Variants in ITPR2 observed in about 807,000 individuals in gnomAD.
ITPR2 encodes inositol 1,4,5-trisphosphate receptor type 2, also known as inositol 1,4,5-trisphosphate-gated calcium channel ITPR2.
ITPR2 carries 207 observed loss-of-function variants against 317.1 expected under a neutral mutation model. The ratio of observed to expected loss-of-function variants is 0.65; its 90% CI spans 0.58 to 0.73. The LOEUF is 0.73. ITPR2 is among the 30% of genes least tolerant of loss of function. The probability of loss-of-function intolerance (pLI) is 0.00; values close to 1 mark genes in which losing one functional copy is unlikely to be tolerated. For synonymous variants in ITPR2, 1,156 were observed against 1,149.1 expected (o/e 1.01, Z -0.12); for missense variants, 2,613 against 3,284.0 (o/e 0.80, Z 4.99).
intron 55 of ITPR2, among the ~76,000 whole-genome samples, chr12:26,356,428 C>G (rs771544007): frequency 2.0e-5 from 3 of 152,108 alleles, no homozygotes; most frequent in Non-Finnish European, 2.9e-5. Flanking sequence ...CAAGTGAGAC[C>G]GAAAGAATAC....
At chr12:26,361,834 T>C (rs190843053) in intron 55 of ITPR2, among the ~76,000 whole-genome samples, 133 of 152,320 alleles carry the variant, frequency 8.7e-4, no homozygotes, top group African/African-American at 3.1e-3. Context: ...CCATGTGCAC[T>C]ATCAGTTTAG....
At chr12:26,460,130 T>C (rs936296635) in intron 45 of ITPR2, among the ~76,000 whole-genome samples, 3 of 152,202 alleles carry the variant, frequency 2.0e-5, no homozygotes, top group African/African-American at 7.2e-5. Flanking sequence ...TCCCTGCCCC[T>C]GGGATACAGG....
At chr12:26,537,349 T>C (rs535152274) in intron 37 of ITPR2, among the ~76,000 whole-genome samples, 83 of 152,304 alleles carry the variant, frequency 5.4e-4, no homozygotes, top group Middle Eastern at 6.8e-3. Flanking sequence ...AGTCTATTTG[T>C]TGAATGAATA....
chr12:26,503,186 C>T (rs1330860557), intron 37 of ITPR2, among the ~76,000 whole-genome samples: 1 of 130,640 alleles, frequency 7.7e-6, no homozygotes, highest in Non-Finnish European at 1.6e-5. Context: ...CACTGCCCCC[C>T]ACCAACACAC....
chr12:26,379,323 T>C (rs1158512464), intron 55 of ITPR2, among the ~76,000 whole-genome samples: 3 of 152,214 alleles, frequency 2.0e-5, no homozygotes, highest in African/African-American at 7.2e-5. Flanking sequence ...GCTGGATAAG[T>C]AGTCAACACT....
chr12:26,567,250 C>T (rs770925805), intron 34 of ITPR2, among the ~76,000 whole-genome samples: 12 of 152,256 alleles, frequency 7.9e-5, no homozygotes, highest in Non-Finnish European at 1.6e-4. Context: ...ATGGCAGCAC[C>T]TCTGTTATTA....
intron 36 of ITPR2, among the ~76,000 whole-genome samples, chr12:26,551,361 A>G (rs1944521815): frequency 6.6e-6 from 1 of 152,234 alleles, no homozygotes; most frequent in South Asian, 2.1e-4. Context: ...ATGACAGAAC[A>G]GAGGCCCAGG....
chr12:26,796,437 G>A (rs989526729), intron 1 of ITPR2, among the ~76,000 whole-genome samples: 61 of 152,190 alleles, frequency 4.0e-4, no homozygotes, highest in African/African-American at 1.2e-3. Context: ...TTGGTAAAAA[G>A]TAAGGTAAGA....
chr12:26,694,439 T>G (rs572432113), intron 10 of ITPR2, among the ~76,000 whole-genome samples: 21 of 152,266 alleles, frequency 1.4e-4, no homozygotes, highest in Non-Finnish European at 2.6e-4. Context: ...CCTTAAATCC[T>G]CCCCAAATCA....
intron 1 of ITPR2, among the ~76,000 whole-genome samples, chr12:26,795,704 C>T (rs1950423907): frequency 1.3e-5 from 2 of 152,198 alleles, no homozygotes; most frequent in South Asian, 4.1e-4. Flanking sequence ...GTGGTAGCAT[C>T]CAGGCATGGT....
intron 45 of ITPR2, among the ~76,000 whole-genome samples, chr12:26,466,004 G>C (rs77010634): frequency 0.039 from 5,926 of 152,200 alleles, 131 homozygotes; most frequent in Middle Eastern, 0.11. Context: ...TCTATTTTCT[G>C]TGATTTAATA....
rs1950817882 is a variant in ITPR2, at chr12:26,814,638, G to GT, written c.92+18051dup. Among the ~76,000 whole-genome samples, 3 of 152,150 alleles carry GT rather than the reference G, an allele frequency of 2.0e-5. No homozygotes were observed. In the South Asian group the frequency reaches 6.2e-4, roughly 32 times the overall value. On this transcript the variant is annotated intron_variant, in intron 1 of 56. Coordinates refer to ENST00000381340, the MANE Select transcript of ITPR2 (RefSeq NM_002223.4). ...CTCACAGAGAAATTTTCAAATAAGAGTTTATAAAGTGGTTTATTCTTCAAA... is the reference window on the plus strand; with the variant it reads ...CTCACAGAGAAATTTTCAAATAAGAGTTTTATAAAGTGGTTTATTCTTCAAA...
intron 21 of ITPR2, among the ~76,000 whole-genome samples, chr12:26,650,852 C>T (rs993564044): frequency 6.6e-6 from 1 of 152,140 alleles, no homozygotes; most frequent in Non-Finnish European, 1.5e-5. Flanking sequence ...CCCTGCATGT[C>T]CCTGCTCTTT....
Position 26,476,977 on chromosome 12 carries a change from T to C in ITPR2, c.6154A>G (p.Met2052Val). The C allele has an allele frequency of 6.2e-7, 1 of 1,613,388 alleles. No individual in the cohort carries two copies. Among genetic ancestry groups the C allele is most frequent in the Non-Finnish European group, 8.5e-7 (1 of 1,179,396 alleles). ...TTCTCACTGTCATGTCTGCTTTCCA[T>C]AATGGCCAGCAAAAGTTTAGATGCA... is the stretch of plus-strand genomic sequence containing the variant. The part of the protein sequence containing the change: ...NNASKLLLAI[M>V]ESRHDSENAE... Residue 2052 changes from methionine to valine, a missense_variant, in exon 44 of 57, where the codon ATG becomes GTG. Physicochemically the swap from Met to Val is conservative, Grantham distance 21 (BLOSUM62 1). This residue lies in a region of ITPR2 where 926 missense variants were observed against 1,072.8 expected (regional missense o/e 0.86). Coordinates refer to ENST00000381340, the MANE Select transcript of ITPR2 (RefSeq NM_002223.4).
At chr12:26,343,147 C>A (rs1263461833) in intron 55 of ITPR2, among the ~76,000 whole-genome samples, 2 of 152,114 alleles carry the variant, frequency 1.3e-5, no homozygotes, top group African/African-American at 4.8e-5. Context: ...ACTTTCTTTT[C>A]TTTATAAATT....
At chr12:26,567,321 T>C (rs560520909) in intron 34 of ITPR2, among the ~76,000 whole-genome samples, 40 of 152,328 alleles carry the variant, frequency 2.6e-4, no homozygotes, top group African/African-American at 8.9e-4. Context: ...GAATCTCTTG[T>C]AAGCTGCTGA....
Position 26,672,066 on chromosome 12 carries a change from T to G in ITPR2, c.1410-6015A>C, listed in dbSNP as rs551814183. 5.3e-5 allele frequency among the ~76,000 whole-genome samples: 8 copies of G among 152,222 alleles called. No individual in the cohort carries two copies. The East Asian group carries it at 1.5e-3, about 29-fold the overall frequency. ...TTCATAAAGCAAGTCCTGAGTGACC[T>G]ACAAAGAGACTTAGACTCCCACACA... is the stretch of plus-strand genomic sequence containing the variant. On this transcript the variant is annotated intron_variant, in intron 13 of 56. Coordinates refer to ENST00000381340, the MANE Select transcript of ITPR2 (RefSeq NM_002223.4).
At position 26,780,143 on chromosome 12, in the gene ITPR2, T is replaced by C. The variant is rs149677612; in HGVS notation, c.163+10014A>G. ...GAGGTTACTCATGGGCTCAGTAATATGGACTTCCACTCGCCAAGGCTGACC... is the reference window on the plus strand; with the variant it reads ...GAGGTTACTCATGGGCTCAGTAATACGGACTTCCACTCGCCAAGGCTGACC... On this transcript the variant is annotated intron_variant, in intron 2 of 56. Transcript: ENST00000381340. Among the ~76,000 whole-genome samples the C allele has an allele frequency of 8.3e-3, 1,257 of 152,306 alleles. 9 individuals are homozygous for C. Among genetic ancestry groups the C allele is most frequent in the Non-Finnish European group, 0.012 (842 of 68,010 alleles).
At position 26,580,061 on chromosome 12, in the gene ITPR2, T is replaced by C. The variant is rs775970271; in HGVS notation, c.4475A>G (p.Asn1492Ser). 8.1e-6 allele frequency: 13 copies of C among 1,611,840 alleles called. No homozygotes were observed. The highest frequency in any genetic ancestry group is 1.1e-5 in the Non-Finnish European group (13 of 1,178,396). ...SIMNIVSGFF[N>S]SPFSDNSTSL... Reference sequence around the variant, plus strand: ...GGTACTATTGTCTGAAAAGGGAGAATTAAAGAAGCCGCTCACAATATTCAT... The same window carrying C: ...GGTACTATTGTCTGAAAAGGGAGAACTAAAGAAGCCGCTCACAATATTCAT... Residue 1492 changes from asparagine to serine, a missense_variant, in exon 33 of 57, where the codon AAT (asparagine) becomes AGT (serine). Asn to Ser is a conservative substitution (Grantham distance 46). Transcript: ENST00000381340.
Sources: gnomAD v4.1 joint callset for allele counts (sites outside exome capture counted in the v4.1 genomes callset) on GRCh38, gnomAD v4.1.1 for gene constraint, gnomAD v4.1.1 regional missense constraint, MANE v1.5 for transcripts, NCBI Gene and HGNC (gene_info 2026-07-23, HGNC 2026-07-21) for gene names.